PYCR3: variants seen among roughly 807,000 people sequenced by gnomAD.
The protein encoded by PYCR3 is P5C reductase 3.
A neutral mutation model predicts 23.4 loss-of-function variants in PYCR3; 26 were observed. The ratio of observed to expected loss-of-function variants is 1.11; its 90% CI spans 0.81 to 1.54. The LOEUF is 1.54. Ranked by LOEUF, PYCR3 falls within the 40% of genes most tolerant of loss-of-function variation. PYCR3 has a pLI of 0.00. For synonymous variants in PYCR3, 194 were observed against 162.6 expected (o/e 1.19, Z -1.47); for missense variants, 360 against 376.3 (o/e 0.96, Z 0.36).
In PYCR3 at chr8:143,604,775, G is replaced by A. The variant is rs553231798; in HGVS notation, c.*925C>T. The A allele has an allele frequency of 1.1e-4, 45 of 414,634 alleles. No individual in the cohort carries two copies. Among genetic ancestry groups the A allele is most frequent in the Admixed American group, 1.1e-3 (34 of 31,672 alleles). The allele number at this position is 414,634 out of a possible 1,614,324, so 25.7% of individuals were successfully genotyped here. A position where few individuals can be genotyped will look rare whatever the true frequency, so the allele number is the denominator to read the frequency against. ...TGAGTCCTGGCTTTCCTGACCTGCC[G>A]TCCGTTAGGGACAGGTGGAGGGGCC... is the stretch of plus-strand genomic sequence containing the variant. On this transcript the variant is annotated 3_prime_UTR_variant, in exon 6 of 6. Coordinates refer to ENST00000495276, the MANE Select transcript of PYCR3 (RefSeq NM_023078.6).
In PYCR3 at chr8:143,605,814, CG is replaced by C. The variant is rs775528371; in HGVS notation, c.710del (p.Pro237ArgfsTer22). The C allele has an allele frequency of 8.9e-5, 143 of 1,612,154 alleles. 2 individuals are homozygous for C. In the Middle Eastern group the frequency reaches 2.9e-3, roughly 33 times the overall value. ...PAQLRSDVCTPGGTTIYGLHA... is the reference protein window; with the variant it reads ...PAQLRSDVCTXGGTTIYGLHA... ...GGAGTCCATAGATGGTGGTGCCACC[CG>C]GGGTGCACACGTCTGAGCGCAGCTG... On this transcript the variant is annotated frameshift_variant, in exon 6 of 6. Coordinates refer to ENST00000495276, the MANE Select transcript of PYCR3 (RefSeq NM_023078.6). LOFTEE classifies it high-confidence loss of function.
At chr8:143,609,228 C>G (rs1287603439) in intron 1 of PYCR3, among the ~76,000 whole-genome samples, 1 of 152,272 alleles carries the variant, frequency 6.6e-6, no homozygotes, top group Non-Finnish European at 1.5e-5. Context: ...CTGGCCAAGG[C>G]CACGCGGCCA....
chr8:143,607,395 C>A (rs1829431289), intron 2 of PYCR3, among the ~76,000 whole-genome samples: 1 of 152,204 alleles, frequency 6.6e-6, no homozygotes, highest in Admixed American at 6.5e-5. Context: ...ACCCAGCATG[C>A]AAACACACCC....
chr8:143,609,388 C>CT, intron 1 of PYCR3, 70 bp downstream of exon 1: 1 of 1,390,916 alleles, frequency 7.2e-7, no homozygotes, highest in Non-Finnish European at 9.3e-7. Context: ...CGGCCCCACT[C>CT]TCGCGGCAGG....
At chr8:143,606,918 A>G in intron 3 of PYCR3, 35 bp downstream of exon 3, 2 of 1,557,140 alleles carry the variant, frequency 1.3e-6, no homozygotes, top group East Asian at 2.3e-5. Context: ...CAGAGCCTAT[A>G]CTGGGACCAA....
Position 143,603,424 on chromosome 8 carries a change from G to A in PYCR3, c.*2276C>T, listed in dbSNP as rs556660052. Among the ~76,000 whole-genome samples the A allele has an allele frequency of 4.4e-4, 67 of 152,294 alleles. No homozygotes were observed. The East Asian group carries it at 6.9e-3, about 16-fold the overall frequency. ...CAGGGGAGGCCTGGCTCACCACAAC[G>A]CTCCCTGCCGTGCCGAGAACTGAGC... On this transcript the variant is annotated 3_prime_UTR_variant, in exon 6 of 6. Transcript: ENST00000495276.
Position 143,605,464 on chromosome 8 carries a change from G to A in PYCR3, c.*236C>T. On this transcript the variant is annotated 3_prime_UTR_variant, in exon 6 of 6. Coordinates refer to ENST00000495276, the MANE Select transcript of PYCR3 (RefSeq NM_023078.6). ...GCAAGGTGGGCTCACTGCAGCAAGG[G>A]GCAGAGCCACCACCACGGTGCCTTC... 1.8e-6 allele frequency: 1 copy of A among 549,364 alleles called. No individual in the cohort carries two copies. Among genetic ancestry groups the A allele is most frequent in the South Asian group, 2.6e-5 (1 of 38,328 alleles). 34.0% of individuals were successfully genotyped at this position (549,364 alleles called of 1,614,324 possible).
rs1314243047 is a variant in PYCR3 at position 143,606,052 on chromosome 8, C to G, written c.642+10G>C. 6.2e-7 allele frequency: 1 copy of G among 1,604,212 alleles called. No individual in the cohort carries two copies. The highest frequency in any genetic ancestry group is 8.5e-7 in the Non-Finnish European group (1 of 1,175,724). ...CTTCCCGATGTTCCCCAGGGGCCACCCTCACTCACCAGCAGGGTCTGGGCA... is the reference window on the plus strand; with the variant it reads ...CTTCCCGATGTTCCCCAGGGGCCACGCTCACTCACCAGCAGGGTCTGGGCA... On this transcript the variant is annotated intron_variant, in intron 5 of 5. Transcript: ENST00000495276.
At chr8:143,608,337 C>A (rs1048741447) in intron 1 of PYCR3, 1 of 581,590 alleles carries the variant, frequency 1.7e-6, no homozygotes, top group African/African-American at 1.9e-5. Context: ...ACGCCCCTGA[C>A]TGCTGCTGGG....
intron 1 of PYCR3, chr8:143,608,884 CAG>C (rs754372594): frequency 1.3e-5 from 6 of 456,604 alleles, no homozygotes; most frequent in East Asian, 6.9e-5. Flanking sequence ...TGGCTGAAGG[CAG>C]AGAGTCAAAA....
rs959527135 is a variant in PYCR3, at chr8:143,603,520, T to G, written c.*2180A>C. 6.6e-6 allele frequency among the ~76,000 whole-genome samples: 1 copy of G among 152,184 alleles called. No individual in the cohort carries two copies. The highest frequency in any genetic ancestry group is 6.5e-5 in the Admixed American group (1 of 15,274). On this transcript the variant is annotated 3_prime_UTR_variant, in exon 6 of 6. Coordinates refer to ENST00000495276, the MANE Select transcript of PYCR3 (RefSeq NM_023078.6). ...GGCTTGGGATCTCCACCTCCCGAGC[T>G]GAGCTCACCTAGTGCCCAGGGCTTG...
In PYCR3 at chr8:143,603,788, T is replaced by C. The variant is rs773216835; in HGVS notation, c.*1912A>G. On this transcript the variant is annotated 3_prime_UTR_variant, in exon 6 of 6. Transcript: ENST00000495276. Reference sequence around the variant, plus strand: ...AGCCCCCAGGTGATGTAGAGGCCTGTAGCAGGCATGGGGAGACCTCTGCTG... The same window carrying C: ...AGCCCCCAGGTGATGTAGAGGCCTGCAGCAGGCATGGGGAGACCTCTGCTG... 3.3e-5 allele frequency: 5 copies of C among 152,120 alleles called. No individual in the cohort carries two copies. Among genetic ancestry groups the C allele is most frequent in the Non-Finnish European group, 7.4e-5 (5 of 68,022 alleles). The allele number at this position is 152,120 out of a possible 1,614,324, so 9.4% of individuals were successfully genotyped here.
At position 143,605,825 on chromosome 8, in the gene PYCR3, C is replaced by T. The variant is rs773953494; in HGVS notation, c.700G>A (p.Val234Met). Residue 234 changes from valine (V) to methionine (M), a missense_variant, in exon 6 of 6, where the codon GTG becomes ATG. Val to Met is a conservative substitution (Grantham distance 21, BLOSUM62 1). Coordinates refer to ENST00000495276, the MANE Select transcript of PYCR3 (RefSeq NM_023078.6). ...GQHPAQLRSD[V>M]CTPGGTTIYG... ...ATGGTGGTGCCACCCGGGGTGCACA[C>T]GTCTGAGCGCAGCTGGGCTGGGTGT... 1.1e-5 allele frequency: 18 copies of T among 1,611,776 alleles called. No individual in the cohort carries two copies. The highest frequency in any genetic ancestry group is 1.7e-4 in the Middle Eastern group (1 of 5,752).
In PYCR3 at chr8:143,605,547, C is replaced by G; in HGVS notation, c.*153G>C. 1 of 731,716 alleles carries G rather than the reference C, an allele frequency of 1.4e-6. No individual in the cohort carries two copies. The allele number at this position is 731,716 out of a possible 1,614,324, so 45.3% of individuals were successfully genotyped here. ...GTCGGGGCTCCCCCGCCTGCTGGAACCTCCCAAGTCCTGCCCCCTGCATTT... is the reference window on the plus strand; with the variant it reads ...GTCGGGGCTCCCCCGCCTGCTGGAAGCTCCCAAGTCCTGCCCCCTGCATTT... On this transcript the variant is annotated 3_prime_UTR_variant, in exon 6 of 6. Transcript: ENST00000495276.
chr8:143,609,114 G>A (rs917103920), intron 1 of PYCR3, among the ~76,000 whole-genome samples: 1 of 152,218 alleles, frequency 6.6e-6, no homozygotes, highest in African/African-American at 2.4e-5. Context: ...GGATAGTCTG[G>A]CCCAGGTGTC....
chr8:143,608,601 G>A (rs1164715926), intron 1 of PYCR3, among the ~76,000 whole-genome samples: 3 of 152,226 alleles, frequency 2.0e-5, no homozygotes, highest in East Asian at 1.9e-4. Flanking sequence ...GAAATTATCT[G>A]CTTTTGTCGG....
At chr8:143,608,287 G>A in intron 1 of PYCR3, 161 bp from the exon 2 acceptor site, 2 of 606,724 alleles carry the variant, frequency 3.3e-6, no homozygotes, top group Non-Finnish European at 5.8e-6. Context: ...CCATTCACTG[G>A]GCCCAGGCAA....
Position 143,604,593 on chromosome 8 carries a change from G to A in PYCR3, c.*1107C>T, listed in dbSNP as rs990074562. ...GCCTCACCTCCAGAGGCTGTTGGGC[G>A]GAAGCCGAGAGCTGCAGCAGTTGGG... On this transcript the variant is annotated 3_prime_UTR_variant, in exon 6 of 6. Coordinates refer to ENST00000495276, the MANE Select transcript of PYCR3 (RefSeq NM_023078.6). The A allele has an allele frequency of 1.6e-5, 5 of 306,304 alleles. No individual in the cohort carries two copies. The highest frequency in any genetic ancestry group is 4.5e-5 in the African/African-American group (2 of 44,376). The allele number at this position is 306,304 out of a possible 1,614,324, so 19.0% of individuals were successfully genotyped here. A position where few individuals can be genotyped will look rare whatever the true frequency, so the allele number is the denominator to read the frequency against.
chr8:143,608,470 G>C, intron 1 of PYCR3: 1 of 385,184 alleles, frequency 2.6e-6, no homozygotes, highest in Admixed American at 4.3e-5. Flanking sequence ...CAGGCCTTGG[G>C]GGAATGTGGT....
Sources: allele counts gnomAD v4.1 joint callset (sites outside exome capture counted in the v4.1 genomes callset), GRCh38; gene constraint gnomAD v4.1.1; transcripts MANE v1.5; gene names NCBI Gene and HGNC (gene_info 2026-07-23, HGNC 2026-07-21).